The following FHIT variants were observed in gnomAD, a reference collection of about 807,000 sequenced individuals.
FHIT encodes the protein bis(5'-adenosyl)-triphosphatase.
A neutral mutation model predicts 17.9 loss-of-function variants in FHIT; 19 were observed. That is an observed-to-expected ratio of 1.06 (90% CI 0.74 to 1.56). FHIT has a LOEUF of 1.56. FHIT is among the 40% of genes most tolerant of loss of function. The probability of loss-of-function intolerance (pLI) is 0.00; values close to 1 mark genes in which losing one functional copy is unlikely to be tolerated. For missense variants in FHIT, 248 were observed against 189.2 expected (o/e 1.31, Z -1.82); for synonymous variants, 81 against 69.7 (o/e 1.16, Z -0.81).
At chr3:59,794,003 A>C (rs1699674777) in intron 8 of FHIT, among the ~76,000 whole-genome samples, 1 of 152,086 alleles carries the variant, frequency 6.6e-6, no homozygotes, top group Non-Finnish European at 1.5e-5. Flanking sequence ...CGGCGTGAGA[A>C]TCCATTAATC....
At chr3:59,752,182 C>CAG in intron 9 of FHIT, 39 bp downstream of exon 9, 1 of 1,444,078 alleles carries the variant, frequency 6.9e-7, no homozygotes, top group South Asian at 1.2e-5. Flanking sequence ...TCCTGAGGCC[C>CAG]ACGGGAGGGT....
chr3:60,454,104 T>C (rs879293434), intron 5 of FHIT, among the ~76,000 whole-genome samples: 2 of 152,210 alleles, frequency 1.3e-5, no homozygotes, highest in Non-Finnish European at 2.9e-5. Context: ...AATGTCATCA[T>C]CCATAAATTC....
chr3:60,992,158 T>C (rs2030282431), intron 3 of FHIT, among the ~76,000 whole-genome samples: 1 of 152,172 alleles, frequency 6.6e-6, no homozygotes, highest in Non-Finnish European at 1.5e-5. Context: ...TAGATGAAGT[T>C]CAAGAACAGG....
At chr3:60,190,180 T>C (rs1247187487) in intron 5 of FHIT, among the ~76,000 whole-genome samples, 1 of 152,148 alleles carries the variant, frequency 6.6e-6, no homozygotes, top group Non-Finnish European at 1.5e-5. Context: ...AGTTGAATTG[T>C]GATTGACTGA....
At chr3:60,866,863 T>A (rs1265150726) in intron 3 of FHIT, among the ~76,000 whole-genome samples, 2 of 152,178 alleles carry the variant, frequency 1.3e-5, no homozygotes, top group African/African-American at 4.8e-5. Flanking sequence ...TCCCTTCCCA[T>A]GCTTGATGAA....
intron 8 of FHIT, among the ~76,000 whole-genome samples, chr3:59,772,739 G>A (rs1702129274): frequency 1.3e-5 from 2 of 152,180 alleles, no homozygotes; most frequent in South Asian, 2.1e-4. Context: ...GAGGTGTGGG[G>A]TTTGCAGGGC....
chr3:60,867,901 G>T (rs79804253), intron 3 of FHIT, among the ~76,000 whole-genome samples: 3,738 of 152,170 alleles, frequency 0.025, 152 homozygotes, highest in African/African-American at 0.084. Flanking sequence ...GGACTCATTT[G>T]TTACTGCAGC....
intron 5 of FHIT, among the ~76,000 whole-genome samples, chr3:60,257,792 G>A (rs541359436): frequency 3.3e-5 from 5 of 152,092 alleles, no homozygotes; most frequent in Non-Finnish European, 7.4e-5. Context: ...ACTAACTCAG[G>A]AACAGAAAAC....
chr3:61,188,118 C>CTTT (rs2038581716), intron 2 of FHIT, among the ~76,000 whole-genome samples: 3 of 152,218 alleles, frequency 2.0e-5, no homozygotes, highest in Non-Finnish European at 4.4e-5. Context: ...ACAAAAAACC[C>CTTT]TTCGAAAAAT....
chr3:60,500,090 T>C (rs6763524), intron 5 of FHIT, among the ~76,000 whole-genome samples: 27,572 of 152,228 alleles, frequency 0.18, 2,697 homozygotes, highest in Middle Eastern at 0.23. Context: ...TCATTTACAA[T>C]AGACAACTCT....
At chr3:60,870,006 G>C (rs1391793924) in intron 3 of FHIT, among the ~76,000 whole-genome samples, 1 of 152,032 alleles carries the variant, frequency 6.6e-6, no homozygotes, top group Non-Finnish European at 1.5e-5. Context: ...TCCTTATAAA[G>C]ACTTGCAATA....
intron 3 of FHIT, among the ~76,000 whole-genome samples, chr3:60,919,806 T>G (rs1187482199): frequency 6.6e-6 from 1 of 152,062 alleles, no homozygotes; most frequent in East Asian, 1.9e-4. Context: ...GAGGCCGAGA[T>G]AGGTAGATCA....
chr3:60,411,714 G>A lies in FHIT; in HGVS notation c.103+125146C>T, dbSNP rs1364444657. Among the ~76,000 whole-genome samples the A allele has an allele frequency of 1.3e-5, 2 of 151,748 alleles. 1 individual carries two copies. The highest frequency in any genetic ancestry group is 4.8e-5 in the African/African-American group (2 of 41,420). On this transcript the variant is annotated intron_variant, in intron 5 of 9. Coordinates refer to ENST00000492590, the MANE Select transcript of FHIT (RefSeq NM_002012.4). ...TCACAAAAAAGTGTGCCAGATGGTT[G>A]TTAACAAAAAAGAAAATGCTTTCAA...
intron 4 of FHIT, among the ~76,000 whole-genome samples, chr3:60,767,796 G>A (rs782419382): frequency 5.3e-5 from 8 of 152,216 alleles, no homozygotes; most frequent in African/African-American, 9.6e-5. Context: ...GAGACAGAAT[G>A]TTTCAAGATA....
rs186643500 is a variant in FHIT, at chr3:59,836,946, T to C, written c.349-84625A>G. Reference sequence around the variant, plus strand: ...CATGGTAAGATTTGACTTGTTATAGTGCTATTTCTAGTCCTAAACTCACTA... The same window carrying C: ...CATGGTAAGATTTGACTTGTTATAGCGCTATTTCTAGTCCTAAACTCACTA... On this transcript the variant is annotated intron_variant, in intron 8 of 9. Coordinates refer to ENST00000492590, the MANE Select transcript of FHIT (RefSeq NM_002012.4). Among the ~76,000 whole-genome samples the C allele has an allele frequency of 3.0e-3, 464 of 152,318 alleles. 3 individuals carry two copies. The highest frequency in any genetic ancestry group is 0.011 in the African/African-American group (444 of 41,572).
chr3:60,358,015 C>A (rs1458964537), intron 5 of FHIT, among the ~76,000 whole-genome samples: 2 of 152,160 alleles, frequency 1.3e-5, no homozygotes, highest in Non-Finnish European at 1.5e-5. Flanking sequence ...CCAACCCAAA[C>A]CTCTGGAATC....
chr3:60,338,734 G>A (rs9819347), intron 5 of FHIT, among the ~76,000 whole-genome samples: 2,938 of 152,244 alleles, frequency 0.019, 97 homozygotes, highest in African/African-American at 0.067. Context: ...GAAGACCATG[G>A]CACATAATGG....
chr3:59,945,473 T>C (rs981213812), intron 7 of FHIT, among the ~76,000 whole-genome samples: 5 of 152,168 alleles, frequency 3.3e-5, no homozygotes, highest in Admixed American at 6.5e-5. Flanking sequence ...CTAGGTTGTC[T>C]GTTTACTCTG....
At chr3:60,522,730 G>A (rs973181613) in intron 5 of FHIT, among the ~76,000 whole-genome samples, 2 of 152,120 alleles carry the variant, frequency 1.3e-5, no homozygotes, top group Admixed American at 6.5e-5. Flanking sequence ...ACAGAAAATC[G>A]CCTGATCTCT....
Sources: gnomAD v4.1 joint callset for allele counts (sites outside exome capture counted in the v4.1 genomes callset) on GRCh38, gnomAD v4.1.1 for gene constraint, MANE v1.5 for transcripts, NCBI Gene and HGNC (gene_info 2026-07-23, HGNC 2026-07-21) for gene names.